HERC2: variants seen among roughly 807,000 people sequenced by gnomAD.
The protein encoded by HERC2 is E3 ubiquitin-protein ligase HERC2.
HERC2 carries 102 observed loss-of-function variants against 537.7 expected under a neutral mutation model. That is an observed-to-expected ratio of 0.19 (90% CI 0.16 to 0.22). The LOEUF is 0.22. Among genes scored for constraint, HERC2 ranks in the 10% least tolerant of loss-of-function variants. HERC2 has a pLI of 1.00. For synonymous variants in HERC2, 2,224 were observed against 2,466.2 expected, an observed-to-expected ratio of 0.90 and a Z score of 2.91; for missense variants, 4,236 against 6,198.2, an observed-to-expected ratio of 0.68 and a Z score of 10.63.
intron 5 of HERC2, among the ~76,000 whole-genome samples, chr15:28,278,380 A>G (rs999626248): frequency 6.6e-6 from 1 of 152,160 alleles, no homozygotes; most frequent in Admixed American, 6.5e-5. Flanking sequence ...ATGTCAAAAC[A>G]AACAAACAAA....
Position 28,168,497 on chromosome 15 carries a change from C to T in HERC2, c.10323G>A (p.Ala3441=), listed in dbSNP as rs765221410. The T allele has an allele frequency of 1.1e-5, 17 of 1,614,216 alleles. No individual in the cohort carries two copies. In the South Asian group the frequency reaches 1.2e-4, roughly 11 times the overall value. ...CTTCTCCATTCATGGGACTAGCCATCGCAGATGCGTCGGAAGGGGCCGCCG... is the reference window on the plus strand; with the variant it reads ...CTTCTCCATTCATGGGACTAGCCATTGCAGATGCGTCGGAAGGGGCCGCCG... ...FSSAAPSDAS[A]MASPMNGEEC... is the part of the protein sequence containing the mutation. Residue 3441 remains alanine, a synonymous_variant, in exon 67 of 93, where the codon GCG becomes GCA. Coordinates refer to ENST00000261609, the MANE Select transcript of HERC2 (RefSeq NM_004667.6).
chr15:28,228,370 T>C lies in HERC2; in HGVS notation c.5312A>G (p.Asn1771Ser). ...PVPLQTITNENPSGPSLGTIP... is the reference protein window; with the variant it reads ...PVPLQTITNESPSGPSLGTIP... ...GGTCCCCAGGCTCGGTCCTGACGGG[T>C]TCTCATTGGTGATGGTTTGCAGGGG... Residue 1771 changes from asparagine to serine, a missense_variant, in exon 35 of 93, where the codon AAC (asparagine) becomes AGC (serine). Transcript: ENST00000261609. 6.2e-7 allele frequency: 1 copy of C among 1,612,082 alleles called. No individual in the cohort carries two copies. Among genetic ancestry groups the C allele is most frequent in the South Asian group, 1.1e-5 (1 of 90,994 alleles).
At chr15:28,244,466 T>C (rs1903462912) in intron 23 of HERC2, among the ~76,000 whole-genome samples, 2 of 152,262 alleles carry the variant, frequency 1.3e-5, no homozygotes, top group Middle Eastern at 6.8e-3. Flanking sequence ...AAGGGCACTT[T>C]TCAGAGAAAT....
chr15:28,227,008 C>T (rs777895181), intron 35 of HERC2, among the ~76,000 whole-genome samples: 1 of 152,252 alleles, frequency 6.6e-6, no homozygotes, highest in East Asian at 1.9e-4. Flanking sequence ...GGCGCAGTGG[C>T]TCACGCCTGT....
intron 16 of HERC2, among the ~76,000 whole-genome samples, chr15:28,259,079 C>T (rs1205316240): frequency 2.6e-5 from 4 of 152,104 alleles, no homozygotes; most frequent in Non-Finnish European, 5.9e-5. Context: ...ATTGAAGTTG[C>T]AAAATCTTTT....
rs766086662 is a variant in HERC2 at position 28,215,825 on chromosome 15, G to A, written c.6029-23C>T. ...AAGCTGCAGGAGGGAAAATAGACAT[G>A]CTTGGTAACAAGTCCCTAAAGACAA... On this transcript the variant is annotated intron_variant, in intron 38 of 92. Transcript: ENST00000261609. 2.8e-6 allele frequency: 4 copies of A among 1,438,516 alleles called. No homozygotes were observed. The South Asian group carries it at 3.6e-5, about 13-fold the overall frequency. The allele number at this position is 1,438,516 out of a possible 1,614,324, so 89.1% of individuals were successfully genotyped here. A position where few individuals can be genotyped will look rare whatever the true frequency, so the allele number is the denominator to read the frequency against.
chr15:28,261,750 T>C (rs1028785313), intron 15 of HERC2, among the ~76,000 whole-genome samples: 3 of 152,138 alleles, frequency 2.0e-5, no homozygotes, highest in Non-Finnish European at 2.9e-5. Context: ...CTGCAACTTA[T>C]CTCAGAAGCT....
At chr15:28,279,799 C>T (rs2075976024) in intron 5 of HERC2, among the ~76,000 whole-genome samples, 1 of 151,766 alleles carries the variant, frequency 6.6e-6, no homozygotes, top group South Asian at 2.1e-4. Context: ...GGTGACAGAG[C>T]AAGACATTGT....
At chr15:28,236,894 C>A (rs1474932676) in intron 26 of HERC2, 69 bp downstream of exon 26, 2 of 1,427,578 alleles carry the variant, frequency 1.4e-6, no homozygotes, top group East Asian at 2.3e-5. Context: ...GGCCCTCTCC[C>A]ACTCTTAATG....
At position 28,156,892 on chromosome 15, in the gene HERC2, C is replaced by T. The variant is rs572875447; in HGVS notation, c.10747-4062G>A. ...AGTATGATATTGGCTGTGGGTTTGT[C>T]ATAAATAGCTCATTATTTTGAGATA... On this transcript the variant is annotated intron_variant, in intron 69 of 92. Coordinates refer to ENST00000261609, the MANE Select transcript of HERC2 (RefSeq NM_004667.6). Among the ~76,000 whole-genome samples, 8 of 152,248 alleles carry T rather than the reference C, an allele frequency of 5.3e-5. No individual in the cohort carries two copies. The East Asian group carries it at 1.5e-3, about 29-fold the overall frequency.
At chr15:28,314,399 T>G (rs1272135171) in intron 2 of HERC2, among the ~76,000 whole-genome samples, 1 of 152,222 alleles carries the variant, frequency 6.6e-6, no homozygotes, top group Non-Finnish European at 1.5e-5. Context: ...AGGAGATCAA[T>G]GAAGCAACGG....
Position 28,125,201 on chromosome 15 carries a change from A to G in HERC2, c.12803-8T>C, listed in dbSNP as rs1219228994. ...CCCATGTATAAACCTCACCTGAATG[A>G]AGTGAATTTAGAATCAGAACCTGTA... On this transcript the variant is annotated splice_region_variant and splice_polypyrimidine_tract_variant and intron_variant, in intron 83 of 92. Coordinates refer to ENST00000261609, the MANE Select transcript of HERC2 (RefSeq NM_004667.6). The G allele has an allele frequency of 4.4e-6, 7 of 1,598,696 alleles. No individual in the cohort carries two copies. In the African/African-American group the frequency reaches 6.7e-5, roughly 15 times the overall value.
intron 35 of HERC2, among the ~76,000 whole-genome samples, chr15:28,224,551 G>A (rs1900906781): frequency 1.3e-5 from 2 of 152,150 alleles, no homozygotes; most frequent in Admixed American, 6.5e-5. Flanking sequence ...TAAGACTGAT[G>A]TGATTAAAAG....
In HERC2 at chr15:28,287,825, G is replaced by A. The variant is rs531434815; in HGVS notation, c.322+5063C>T. 3.6e-4 allele frequency among the ~76,000 whole-genome samples: 53 copies of A among 148,520 alleles called. No individual in the cohort carries two copies. In the South Asian group the frequency reaches 4.3e-3, roughly 12 times the overall value. On this transcript the variant is annotated intron_variant, in intron 4 of 92. Transcript: ENST00000261609. The stretch of plus-strand genomic sequence containing the variant: ...TGCAAGCTCCGCCTCCTGGGTTCAC[G>A]CCATTCTCCTGCCTGAGCTTCCCGA...
At chr15:28,307,910 G>A (rs895712754) in intron 2 of HERC2, among the ~76,000 whole-genome samples, 1 of 152,160 alleles carries the variant, frequency 6.6e-6, no homozygotes, top group South Asian at 2.1e-4. Context: ...CCGTTGGTCT[G>A]TGTCTGTTTT....
chr15:28,175,610 C>A lies in HERC2; in HGVS notation c.9733G>T (p.Val3245Leu), dbSNP rs772240694. Residue 3245 changes from valine to leucine, a missense_variant, in exon 64 of 93, where the codon GTG becomes TTG. Physicochemically the swap from Val to Leu is conservative, Grantham distance 32. Coordinates refer to ENST00000261609, the MANE Select transcript of HERC2 (RefSeq NM_004667.6). ...FRLGHGSDVH[V>L]RKPQVVEGLR... ...CCTTCCACCACCTGTGGTTTCCGCA[C>A]GTGCACGTCAGAGCCGTGGCCCAAT... 2 of 1,614,160 alleles carry A rather than the reference C, an allele frequency of 1.2e-6. No homozygotes were observed. Among genetic ancestry groups the A allele is most frequent in the South Asian group, 1.1e-5 (1 of 91,076 alleles).
intron 70 of HERC2, among the ~76,000 whole-genome samples, chr15:28,152,104 A>G (rs913445199): frequency 6.6e-6 from 1 of 152,222 alleles, no homozygotes; most frequent in Non-Finnish European, 1.5e-5. Context: ...AGGAGCTGGC[A>G]AAAGGGGCGG....
At chr15:28,321,194 A>G (rs78820178) in intron 2 of HERC2, among the ~76,000 whole-genome samples, 168 bp downstream of exon 2, 12,118 of 151,882 alleles carry the variant, frequency 0.08, 535 homozygotes, top group East Asian at 0.25. Context: ...CGATCTACAA[A>G]AACAGCCATA....
At chr15:28,124,959 G>C (rs970765340) in intron 84 of HERC2, 47 bp downstream of exon 84, 1 of 1,539,964 alleles carries the variant, frequency 6.5e-7, no homozygotes, top group Non-Finnish European at 8.9e-7. Flanking sequence ...CATGTGACAG[G>C]AGCACACTTT....
Sources: gnomAD v4.1 joint callset for allele counts (sites outside exome capture counted in the v4.1 genomes callset) on GRCh38, gnomAD v4.1.1 for gene constraint, MANE v1.5 for transcripts, NCBI Gene and HGNC (gene_info 2026-07-23, HGNC 2026-07-21) for gene names.